Variants in GCN1 observed in about 807,000 individuals in gnomAD.
GCN1 encodes stalled ribosome sensor GCN1.
A neutral mutation model predicts 288.4 loss-of-function variants in GCN1; 90 were observed. That is an observed-to-expected ratio of 0.31 (90% CI 0.26 to 0.37). The LOEUF (loss-of-function observed/expected upper bound fraction) is 0.37. Among genes scored for constraint, GCN1 ranks in the 10% least tolerant of loss-of-function variants. The pLI is 1.00. For synonymous variants in GCN1, 1,386 were observed against 1,420.2 expected (o/e 0.98, Z 0.54); for missense variants, 2,586 against 3,419.9 (o/e 0.76, Z 6.08).
chr12:120,142,738 G>T lies in GCN1; in HGVS notation c.5614-16C>A, dbSNP rs747890934. On this transcript the variant is annotated splice_polypyrimidine_tract_variant and intron_variant, in intron 43 of 57. Transcript: ENST00000300648. The surrounding 1 kb of genome is among the most constrained non-coding windows in gnomAD (Gnocchi z 4.9). ...TGATGATCGCCTGCAGCCAGTAGAA[G>T]GGGACAGAGAGTAGTGAAGCCTCTA... is the stretch of plus-strand genomic sequence containing the variant. 6.2e-7 allele frequency: 1 copy of T among 1,613,304 alleles called. No individual in the cohort carries two copies. Among genetic ancestry groups the T allele is most frequent in the South Asian group, 1.1e-5 (1 of 91,062 alleles).
rs1276245193 is a variant in GCN1 at position 120,149,618 on chromosome 12, G to T, written c.4534C>A (p.Arg1512=). The part of the protein sequence containing the change: ...LLAALEEESW[R]TKAGSVELLG... ...CGAGTGGTCTTACCAGCTTTGGTCC[G>T]CCACGATTCCTCCTCCAGGGCAGCC... The change falls in exon 36 of 58, where the codon CGG becomes AGG. Residue 1512 remains arginine, a synonymous_variant. Coordinates refer to ENST00000300648, the MANE Select transcript of GCN1 (RefSeq NM_006836.2). 6.2e-7 allele frequency: 1 copy of T among 1,612,146 alleles called. No individual in the cohort carries two copies. Among genetic ancestry groups the T allele is most frequent in the South Asian group, 1.1e-5 (1 of 91,044 alleles).
chr12:120,172,880 G>A (rs1201839294), intron 14 of GCN1, among the ~76,000 whole-genome samples: 2 of 152,060 alleles, frequency 1.3e-5, no homozygotes, highest in African/African-American at 4.8e-5. Context: ...TCTCTGAGAT[G>A]GAAATCAGTA....
At chr12:120,143,055 T>C in intron 42 of GCN1, 114 bp from the exon 43 acceptor site, 1 of 639,870 alleles carries the variant, frequency 1.6e-6, no homozygotes, top group Non-Finnish European at 2.8e-6. Context: ...GACGGTCATC[T>C]TGGAATGGGA....
chr12:120,148,129 G>A (rs757878277), intron 37 of GCN1, 38 bp downstream of exon 37: 1 of 1,516,758 alleles, frequency 6.6e-7, no homozygotes, highest in Non-Finnish European at 9.0e-7. Flanking sequence ...CGGCGTTGGT[G>A]GGAGGTCAGG....
Position 120,177,696 on chromosome 12 carries a change from C to G in GCN1, c.717G>C (p.Pro239=). 2 of 1,613,034 alleles carry G rather than the reference C, an allele frequency of 1.2e-6. No homozygotes were observed. The highest frequency in any genetic ancestry group is 1.7e-6 in the Non-Finnish European group (2 of 1,178,966). ...KNILMSKVKP[P]KYLLDSCAPL... ...ACCTCTCGCTCACCAACAGGTACTT[C>G]GGAGGCTTGACTTTGCTCATCAGGA... is the stretch of plus-strand genomic sequence containing the variant. Residue 239 remains proline, a synonymous_variant, in exon 8 of 58, where the codon CCG becomes CCC. Transcript: ENST00000300648.
intron 5 of GCN1, among the ~76,000 whole-genome samples, chr12:120,180,487 C>T (rs950659712): frequency 6.7e-6 from 1 of 149,126 alleles, no homozygotes; most frequent in Admixed American, 6.7e-5. Flanking sequence ...TGGTGGCAGG[C>T]GCCTGTAGTC....
chr12:120,154,037 C>A (rs910357026), intron 31 of GCN1, 128 bp from the exon 32 acceptor site: 57 of 705,746 alleles, frequency 8.1e-5, no homozygotes, highest in Middle Eastern at 7.7e-4. Flanking sequence ...GGGCAGAGAA[C>A]AGCCTGAAGC....
At chr12:120,148,014 C>T (rs954214930) in intron 37 of GCN1, among the ~76,000 whole-genome samples, 153 bp downstream of exon 37, 12 of 152,210 alleles carry the variant, frequency 7.9e-5, no homozygotes, top group African/African-American at 2.9e-4. Flanking sequence ...CAAACTGCTC[C>T]TGAGCCAATG....
intron 45 of GCN1, 141 bp from the exon 46 acceptor site, chr12:120,138,997 T>C: frequency 1.5e-6 from 1 of 661,640 alleles, no homozygotes. Context: ...AACTTAACTC[T>C]TTACTGTGAA....
chr12:120,179,590 G>A (rs1044952888), intron 5 of GCN1, among the ~76,000 whole-genome samples: 2 of 151,792 alleles, frequency 1.3e-5, no homozygotes, highest in African/African-American at 2.4e-5. Context: ...TAGTAGAGAC[G>A]GGGTTTCACC....
Position 120,155,157 on chromosome 12 carries a change from C to A in GCN1, c.3630+84G>T, listed in dbSNP as rs1308416666. 5.2e-6 allele frequency: 8 copies of A among 1,536,092 alleles called. No homozygotes were observed. The highest frequency in any genetic ancestry group is 5.4e-6 in the Non-Finnish European group (6 of 1,109,940). ...CTGAGCCACCGTGAGCCCCGAGATTCCTGTCTGGAGCAGTAGCGGGGTGAG... is the reference window on the plus strand; with the variant it reads ...CTGAGCCACCGTGAGCCCCGAGATTACTGTCTGGAGCAGTAGCGGGGTGAG... On this transcript the variant is annotated intron_variant, in intron 30 of 57. Coordinates refer to ENST00000300648, the MANE Select transcript of GCN1 (RefSeq NM_006836.2). The surrounding 1 kb of genome is among the most constrained non-coding windows in gnomAD (Gnocchi z 4.9).
At position 120,170,274 on chromosome 12, in the gene GCN1, T is replaced by C; in HGVS notation, c.1414A>G (p.Thr472Ala). Residue 472 changes from threonine to alanine, a missense_variant, in exon 15 of 58, where the codon ACA (threonine) becomes GCA (alanine). Transcript: ENST00000300648. ...ALDLLPLLIQ[T>A]VEKAASQSTQ... The stretch of plus-strand genomic sequence containing the variant: ...CTTTGGGAGGCTGCCTTCTCCACTG[T>C]CTGGATGAGCAAGGGCAGTAAGTCC... The C allele has an allele frequency of 6.2e-7, 1 of 1,614,068 alleles. No homozygotes were observed. Among genetic ancestry groups the C allele is most frequent in the Non-Finnish European group, 8.5e-7 (1 of 1,179,970 alleles).
rs1877874107 is a variant in GCN1 at position 120,159,972 on chromosome 12, T to C, written c.2602A>G (p.Lys868Glu). Reference protein sequence around the residue: ...ALGLLDIILAKNPSGLTQYIP... With the variant: ...ALGLLDIILAENPSGLTQYIP... ...TACTGGGTCAGGCCGGACGGGTTCT[T>C]GGCCAGGATGATGTCCAGCAGTCCA... Residue 868 changes from lysine to glutamate, a missense_variant, in exon 24 of 58, where the codon AAG becomes GAG. By Grantham distance (56) the Lys-to-Glu change is moderately conservative. Transcript: ENST00000300648. The C allele has an allele frequency of 6.2e-7, 1 of 1,614,196 alleles. No individual in the cohort carries two copies.
At position 120,158,761 on chromosome 12, in the gene GCN1, C is replaced by T. The variant is rs1240958417; in HGVS notation, c.2750-146G>A. 1 of 675,696 alleles carries T rather than the reference C, an allele frequency of 1.5e-6. No individual in the cohort carries two copies. Among genetic ancestry groups the T allele is most frequent in the Non-Finnish European group, 2.5e-6 (1 of 407,636 alleles). The allele number at this position is 675,696 out of a possible 1,614,324, so 41.9% of individuals were successfully genotyped here. A position where few individuals can be genotyped will look rare whatever the true frequency, so the allele number is the denominator to read the frequency against. ...GGCGCGGTGGCTGATGCCTGTAATCCCAGCACTTTGGGAGGCCGAGGCGGG... is the reference window on the plus strand; with the variant it reads ...GGCGCGGTGGCTGATGCCTGTAATCTCAGCACTTTGGGAGGCCGAGGCGGG... On this transcript the variant is annotated intron_variant, in intron 24 of 57. Coordinates refer to ENST00000300648, the MANE Select transcript of GCN1 (RefSeq NM_006836.2). The surrounding 1 kb of genome is among the most constrained non-coding windows in gnomAD (Gnocchi z 4.3).
At chr12:120,185,261 C>G (rs1376245400) in intron 2 of GCN1, among the ~76,000 whole-genome samples, 1 of 152,128 alleles carries the variant, frequency 6.6e-6, no homozygotes, top group Non-Finnish European at 1.5e-5. Flanking sequence ...CCTTTCTTCA[C>G]ATACATTCTA....
chr12:120,151,596 T>C (rs1264906908), intron 33 of GCN1, among the ~76,000 whole-genome samples: 1 of 152,208 alleles, frequency 6.6e-6, no homozygotes, highest in Non-Finnish European at 1.5e-5. Context: ...TACAATCTGC[T>C]GACGACAAAA....
At chr12:120,174,194 T>C in intron 12 of GCN1, 25 bp from the exon 13 acceptor site, 3 of 1,318,678 alleles carry the variant, frequency 2.3e-6, no homozygotes, top group Non-Finnish European at 3.3e-6. Context: ...CCCTGTTCAG[T>C]CTCTTATCAG....
intron 26 of GCN1, among the ~76,000 whole-genome samples, chr12:120,157,290 G>A (rs1266351806): frequency 1.3e-5 from 2 of 152,182 alleles, no homozygotes; most frequent in East Asian, 1.9e-4. Context: ...AAAATAAAAT[G>A]AGATTATCAT....
Position 120,158,637 on chromosome 12 carries a change from C to T in GCN1, c.2750-22G>A. ...GTGCCTGTGTTGAAGAGGAGAGACC[C>T]AGCAGGAGATGACACACAGAGATGT... On this transcript the variant is annotated intron_variant, in intron 24 of 57. Transcript: ENST00000300648. This position sits in a 1 kb window ranked among gnomAD's most constrained non-coding sequence, Gnocchi z 4.3. 1 of 1,584,746 alleles carries T rather than the reference C, an allele frequency of 6.3e-7. No individual in the cohort carries two copies. The highest frequency in any genetic ancestry group is 1.8e-5 in the Admixed American group (1 of 56,642).
Sources: allele counts gnomAD v4.1 joint callset (sites outside exome capture counted in the v4.1 genomes callset), GRCh38; gene constraint gnomAD v4.1.1; non-coding constraint Gnocchi (gnomAD v3.1); transcripts MANE v1.5; gene names NCBI Gene and HGNC (gene_info 2026-07-23, HGNC 2026-07-21).